The following COL4A3 variants were observed in gnomAD, a reference collection of about 807,000 sequenced individuals.
COL4A3 encodes the protein collagen alpha-3(IV) chain.
In COL4A3, 135 loss-of-function variants were observed where a neutral mutation model predicts 217.4. The observed-to-expected ratio is 0.62, with a 90% CI of 0.54 to 0.72. The LOEUF (loss-of-function observed/expected upper bound fraction) is 0.72, where lower values mean the gene tolerates loss of function less well. COL4A3 is among the 30% of genes least tolerant of loss of function. The probability of loss-of-function intolerance (pLI) is 0.00; values close to 1 mark genes in which losing one functional copy is unlikely to be tolerated. For missense variants in COL4A3, 1,868 were observed against 2,119.9 expected (o/e 0.88, Z 2.33); for synonymous variants, 690 against 736.3 (o/e 0.94, Z 1.02).
chr2:227,291,188 T>C, intron 37 of COL4A3: 1 of 378,936 alleles, frequency 2.6e-6, no homozygotes, highest in South Asian at 2.7e-5. Context: ...GGACAGTGGG[T>C]TTTTTCTTGT....
rs1293438194 is a variant in COL4A3, at chr2:227,293,266, C to T, written c.3286C>T (p.Pro1096Ser). The T allele has an allele frequency of 6.2e-7, 1 of 1,613,784 alleles. No individual in the cohort carries two copies. Among genetic ancestry groups the T allele is most frequent in the Non-Finnish European group, 8.5e-7 (1 of 1,180,016 alleles). ...ACCTGGCCCACCTGGACATTTGGGG[C>T]CTGCTGGACCTGAGGGAGCCCCTGG... The part of the protein sequence containing the change: ...GQPGPPGHLG[P>S]AGPEGAPGSP... The change falls in exon 38 of 52, where the codon CCT (proline) becomes TCT (serine). Residue 1096 changes from proline (P) to serine (S), a missense_variant. This residue lies in a region of COL4A3 where 1,503 missense variants were observed against 1,786.1 expected (regional missense o/e 0.84). Coordinates refer to ENST00000396578, the MANE Select transcript of COL4A3 (RefSeq NM_000091.5).
intron 2 of COL4A3, chr2:227,238,255 T>A: frequency 2.6e-6 from 1 of 391,292 alleles, no homozygotes; most frequent in East Asian, 4.8e-5. Flanking sequence ...TACAACTCTC[T>A]CGGTCTGTAA....
intron 6 of COL4A3, chr2:227,246,292 C>A (rs1454518222): frequency 5.7e-6 from 3 of 528,368 alleles, no homozygotes; most frequent in Non-Finnish European, 1.0e-5. Flanking sequence ...GAAACCAAAG[C>A]TTTGAGTGCA....
At chr2:227,285,904 GCCTC>G (rs1419669228) in intron 34 of COL4A3, among the ~76,000 whole-genome samples, 1 of 152,072 alleles carries the variant, frequency 6.6e-6, no homozygotes, top group Admixed American at 6.5e-5. Flanking sequence ...CTGTATCTAG[GCCTC>G]CCTAATTTCA....
At chr2:227,238,715 C>A (rs1338515481) in intron 2 of COL4A3, among the ~76,000 whole-genome samples, 2 of 150,590 alleles carry the variant, frequency 1.3e-5, no homozygotes, top group East Asian at 3.9e-4. Flanking sequence ...CATATTTAAG[C>A]TCTTTATCTA....
intron 1 of COL4A3, among the ~76,000 whole-genome samples, chr2:227,197,465 G>A (rs1387440761): frequency 6.6e-6 from 1 of 152,064 alleles, no homozygotes; most frequent in Non-Finnish European, 1.5e-5. Context: ...TTTGCACAAT[G>A]ACAAAATTGT....
Position 227,251,376 on chromosome 2 carries a change from A to G in COL4A3, c.645+5A>G, listed in dbSNP as rs2069730759. On this transcript the variant is annotated splice_donor_5th_base_variant and intron_variant, in intron 11 of 51. Coordinates refer to ENST00000396578, the MANE Select transcript of COL4A3 (RefSeq NM_000091.5). ...ATGGGACCTAGAGGACCTAAGGTAGACTACAGTTCATATGATGTAACAGCT... is the reference window on the plus strand; with the variant it reads ...ATGGGACCTAGAGGACCTAAGGTAGGCTACAGTTCATATGATGTAACAGCT... 1 of 1,612,210 alleles carries G rather than the reference A, an allele frequency of 6.2e-7. No homozygotes were observed. Among genetic ancestry groups the G allele is most frequent in the African/African-American group, 1.3e-5 (1 of 74,868 alleles).
chr2:227,275,232 G>A (rs2071486699), intron 26 of COL4A3, among the ~76,000 whole-genome samples: 1 of 152,166 alleles, frequency 6.6e-6, no homozygotes, highest in South Asian at 2.1e-4. Flanking sequence ...CCAGGCTGCA[G>A]TGCAGTGGCG....
chr2:227,294,266 T>C (rs975984245), intron 38 of COL4A3: 8 of 554,078 alleles, frequency 1.4e-5, no homozygotes, highest in African/African-American at 7.6e-5. Flanking sequence ...GTGGTGCTTG[T>C]GGTTGGTGTA....
In COL4A3 at chr2:227,313,404, T is replaced by A. The variant is rs1385347860; in HGVS notation, c.*1534T>A. The stretch of plus-strand genomic sequence containing the variant: ...AAGCTAAGAGAAGATAAGGTCTGAA[T>A]AATAGCAGAAAAACCAACATCTACA... On this transcript the variant is annotated 3_prime_UTR_variant, in exon 52 of 52. Transcript: ENST00000396578. 6.6e-6 allele frequency: 1 copy of A among 152,630 alleles called. No homozygotes were observed. The highest frequency in any genetic ancestry group is 1.5e-5 in the Non-Finnish European group (1 of 68,032). The allele number at this position is 152,630 out of a possible 1,614,324, so 9.5% of individuals were successfully genotyped here.
At chr2:227,194,649 G>T (rs1275930479) in intron 1 of COL4A3, among the ~76,000 whole-genome samples, 3 of 152,092 alleles carry the variant, frequency 2.0e-5, no homozygotes, top group African/African-American at 7.2e-5. Flanking sequence ...AATGCAGTAT[G>T]CAATCAACTC....
chr2:227,254,036 A>G, intron 13 of COL4A3, 76 bp from the exon 14 acceptor site: 3 of 1,329,994 alleles, frequency 2.3e-6, no homozygotes, highest in East Asian at 4.6e-5. Context: ...GAACAGATAG[A>G]GGATTTGTCC....
chr2:227,310,690 C>T, intron 50 of COL4A3, 86 bp from the exon 51 acceptor site: 1 of 1,061,932 alleles, frequency 9.4e-7, no homozygotes, highest in African/African-American at 1.6e-5. Context: ...TCACAGTTGC[C>T]CATTCATTCA....
At chr2:227,200,304 A>G (rs898092215) in intron 1 of COL4A3, among the ~76,000 whole-genome samples, 14 of 152,182 alleles carry the variant, frequency 9.2e-5, no homozygotes, top group African/African-American at 3.4e-4. Context: ...CACTGTATTC[A>G]CAAAGTTTTT....
At chr2:227,246,506 G>A (rs972329114) in intron 6 of COL4A3, among the ~76,000 whole-genome samples, 179 bp from the exon 7 acceptor site, 2 of 152,150 alleles carry the variant, frequency 1.3e-5, no homozygotes, top group Non-Finnish European at 2.9e-5. Flanking sequence ...TTCTAATCCT[G>A]TTTTTAATTA....
At chr2:227,283,734 C>T (rs376107827) in intron 32 of COL4A3, 33 bp from the exon 33 acceptor site, 55 of 1,568,478 alleles carry the variant, frequency 3.5e-5, no homozygotes, top group Non-Finnish European at 4.2e-5. Flanking sequence ...CTCTGTACAA[C>T]ACGTGCTGCT....
chr2:227,241,587 T>C (rs4410281), intron 3 of COL4A3, among the ~76,000 whole-genome samples: 115,459 of 152,012 alleles, frequency 0.76, 45,070 homozygotes, highest in East Asian at 0.91. Flanking sequence ...GGTAGGAGGA[T>C]TGCTTGAGCC....
chr2:227,268,646 T>C (rs928668980), intron 23 of COL4A3: 2 of 152,214 alleles, frequency 1.3e-5, no homozygotes, highest in Non-Finnish European at 2.9e-5. Flanking sequence ...TATGAAGGCC[T>C]CTGCTACTTT....
chr2:227,211,539 AT>A (rs1276325369), intron 1 of COL4A3, among the ~76,000 whole-genome samples: 1 of 152,202 alleles, frequency 6.6e-6, no homozygotes, highest in Non-Finnish European at 1.5e-5. Context: ...ATTTATCTTT[AT>A]TAGCAAGTGC....
Sources: allele counts gnomAD v4.1 joint callset (sites outside exome capture counted in the v4.1 genomes callset), GRCh38; gene constraint gnomAD v4.1.1; regional missense constraint gnomAD v4.1.1; transcripts MANE v1.5; gene names NCBI Gene and HGNC (gene_info 2026-07-23, HGNC 2026-07-21).